UBL7: variants seen among roughly 807,000 people sequenced by gnomAD.
UBL7 encodes ubiquitin like 7.
In UBL7, 21 loss-of-function variants were observed where a neutral mutation model predicts 41.7. The observed-to-expected ratio is 0.50, with a 90% CI of 0.36 to 0.73. The LOEUF is 0.73. Ranked by LOEUF, UBL7 falls within the 30% of genes least tolerant of loss-of-function variation. UBL7 has a pLI of 0.00. For synonymous variants in UBL7, 157 were observed against 186.9 expected (o/e 0.84, Z 1.31); for missense variants, 403 against 478.4 (o/e 0.84, Z 1.47).
chr15:74,451,885 A>G (rs141970605), intron 4 of UBL7, among the ~76,000 whole-genome samples: 4 of 152,276 alleles, frequency 2.6e-5, no homozygotes, highest in African/African-American at 7.2e-5. Flanking sequence ...ACTATTTCAT[A>G]TTTGTATATA....
Position 74,450,791 on chromosome 15 carries a change from G to T in UBL7, c.530+11C>A. The T allele has an allele frequency of 6.2e-7, 1 of 1,612,984 alleles. No homozygotes were observed. The highest frequency in any genetic ancestry group is 8.5e-7 in the Non-Finnish European group (1 of 1,179,254). On this transcript the variant is annotated intron_variant, in intron 6 of 10. Coordinates refer to ENST00000395081, the MANE Select transcript of UBL7 (RefSeq NM_032907.5). ...AGAGAAGGTACCCTCTAATAGGACA[G>T]GTACACTTACGTATCAAGCATATTG...
intron 10 of UBL7, among the ~76,000 whole-genome samples, chr15:74,447,530 C>A (rs2061195167): frequency 1.3e-5 from 2 of 151,968 alleles, no homozygotes; most frequent in South Asian, 2.1e-4. Flanking sequence ...TAGGGAGACC[C>A]CCCCATCTCT....
chr15:74,451,378 C>G, intron 5 of UBL7, 58 bp downstream of exon 5: 1 of 1,424,512 alleles, frequency 7.0e-7, no homozygotes, highest in South Asian at 1.2e-5. Flanking sequence ...GAATTGTCTT[C>G]TCCTGTTTTC....
intron 3 of UBL7, among the ~76,000 whole-genome samples, chr15:74,452,675 C>T (rs1434780937): frequency 6.6e-6 from 1 of 152,184 alleles, no homozygotes; most frequent in Non-Finnish European, 1.5e-5. Context: ...GATCAACATA[C>T]CACTGCAGGA....
chr15:74,449,407 T>G, intron 8 of UBL7, 54 bp from the exon 9 acceptor site: 1 of 1,598,768 alleles, frequency 6.3e-7, no homozygotes, highest in South Asian at 1.1e-5. Context: ...AACTCCCAGA[T>G]GAACTCCACC....
intron 8 of UBL7, 40 bp from the exon 9 acceptor site, chr15:74,449,393 G>C: frequency 6.2e-7 from 1 of 1,609,150 alleles, no homozygotes; most frequent in Non-Finnish European, 8.5e-7. Context: ...AAGCAGTACT[G>C]TGAAACTCCC....
At chr15:74,449,506 C>G in intron 8 of UBL7, 120 bp downstream of exon 8, 4 of 1,555,352 alleles carry the variant, frequency 2.6e-6, no homozygotes, top group Non-Finnish European at 3.5e-6. Flanking sequence ...ATGGTCTTGG[C>G]CCCCCAATGG....
rs376556911 is a variant in UBL7 at position 74,447,809 on chromosome 15, T to C, written c.1005+669A>G. Among the ~76,000 whole-genome samples, 11 of 152,272 alleles carry C rather than the reference T, an allele frequency of 7.2e-5. No individual in the cohort carries two copies. The East Asian group carries it at 2.1e-3, about 29-fold the overall frequency. On this transcript the variant is annotated intron_variant, in intron 10 of 10. Transcript: ENST00000395081. ...CAGGTTGGCATGCAAGCCCCTCTCG[T>C]AGGCTCCTGCTCTTTCTCTGGCCCC... is the stretch of plus-strand genomic sequence containing the variant.
intron 2 of UBL7, among the ~76,000 whole-genome samples, chr15:74,458,030 T>A (rs1026316285): frequency 6.6e-6 from 1 of 152,102 alleles, no homozygotes; most frequent in African/African-American, 2.4e-5. Flanking sequence ...CAAGCAAAAA[T>A]CCTTCTAATC....
rs150004206 is a variant in UBL7 at position 74,448,551 on chromosome 15, G to A, written c.932C>T (p.Thr311Met). 419 of 1,614,138 alleles carry A rather than the reference G, an allele frequency of 2.6e-4. 1 individual carries two copies. The African/African-American group carries it at 4.5e-3, about 17-fold the overall frequency. Reference sequence around the variant, plus strand: ...GCTGAAGAGATCATTGGTGATGGGCGTCCCTGACTGGACACCAGAGGACAT... The same window carrying A: ...GCTGAAGAGATCATTGGTGATGGGCATCCCTGACTGGACACCAGAGGACAT... Reference protein sequence around the residue: ...SPMSSGVQSGTPITNDLFSQA... With the variant: ...SPMSSGVQSGMPITNDLFSQA... Residue 311 changes from threonine to methionine, a missense_variant, in exon 10 of 11, where the codon ACG becomes ATG. By Grantham distance (81) the Thr-to-Met change is moderately conservative. Coordinates refer to ENST00000395081, the MANE Select transcript of UBL7 (RefSeq NM_032907.5).
chr15:74,452,360 G>A lies in UBL7; in HGVS notation c.323C>T (p.Ala108Val), dbSNP rs1383106392. ...DQKPEPVDKVAAMREFRVLHT... is the reference protein window; with the variant it reads ...DQKPEPVDKVVAMREFRVLHT... The stretch of plus-strand genomic sequence containing the variant: ...CAACACCCGGAACTCTCTCATGGCA[G>A]CCACTTTGTCCACAGGTTCTGGGGG... Residue 108 changes from alanine (A) to valine (V), a missense_variant, in exon 4 of 11, where the codon GCT becomes GTT. Transcript: ENST00000395081. The A allele has an allele frequency of 6.4e-7, 1 of 1,560,058 alleles. No homozygotes were observed. Among genetic ancestry groups the A allele is most frequent in the South Asian group, 1.2e-5 (1 of 84,746 alleles).
At chr15:74,451,334 C>T in intron 5 of UBL7, 102 bp downstream of exon 5, 1 of 1,061,734 alleles carries the variant, frequency 9.4e-7, no homozygotes, top group South Asian at 1.4e-5. Context: ...CAAGACCAGT[C>T]ATTCTTCAAA....
chr15:74,450,278 G>A (rs1414329772), intron 6 of UBL7, among the ~76,000 whole-genome samples: 4 of 152,148 alleles, frequency 2.6e-5, no homozygotes, highest in African/African-American at 7.2e-5. Flanking sequence ...CCTGGGGTCC[G>A]CTGCAGATTC....
In UBL7 at chr15:74,456,553, C is replaced by G. The variant is rs144350795; in HGVS notation, c.303G>C (p.Pro101=). ...GCCTAAGGGCTGCCCCTCACTCACC[C>G]GGTTTCTGATCAGGTTCAGGCCAGG... ...RKSWPEPDQK[P]EPVDKVAAMR... is the part of the protein sequence containing the mutation. Residue 101 remains proline, a splice_region_variant and synonymous_variant, in exon 3 of 11, where the codon CCG becomes CCC. Coordinates refer to ENST00000395081, the MANE Select transcript of UBL7 (RefSeq NM_032907.5). 6.2e-7 allele frequency: 1 copy of G among 1,613,898 alleles called. No individual in the cohort carries two copies. Among genetic ancestry groups the G allele is most frequent in the South Asian group, 1.1e-5 (1 of 91,058 alleles).
chr15:74,446,175 T>C lies in UBL7; in HGVS notation c.1058A>G (p.Asp353Gly), dbSNP rs776746821. The change falls in exon 11 of 11, where the codon GAT becomes GGT. Residue 353 changes from aspartate (D) to glycine (G), a missense_variant. Physicochemically the swap from Asp to Gly is moderately conservative, Grantham distance 94. Coordinates refer to ENST00000395081, the MANE Select transcript of UBL7 (RefSeq NM_032907.5). The surrounding 1 kb of genome is among the most constrained non-coding windows in gnomAD (Gnocchi z 4.1). ...CTGCAGGGCCCGCAGGCTCAGCTCA[T>C]CGTCCTGGATGCCCATGTCACGTAG... Reference protein sequence around the residue: ...QQLRDMGIQDDELSLRALQAT... With the variant: ...QQLRDMGIQDGELSLRALQAT... The C allele has an allele frequency of 1.6e-5, 26 of 1,613,868 alleles. No homozygotes were observed. Among genetic ancestry groups the C allele is most frequent in the Non-Finnish European group, 2.2e-5 (26 of 1,179,956 alleles).
chr15:74,460,842 G>T, intron 1 of UBL7, 195 bp downstream of exon 1: 1 of 1,209,308 alleles, frequency 8.3e-7, no homozygotes, highest in Non-Finnish European at 1.0e-6. Flanking sequence ...CATCCTCAAG[G>T]TATCTTCCAC....
chr15:74,458,584 C>T (rs1294218357), intron 2 of UBL7, 100 bp downstream of exon 2: 1 of 1,005,314 alleles, frequency 9.9e-7, no homozygotes, highest in Non-Finnish European at 1.5e-6. Flanking sequence ...CATTATGAGG[C>T]AACAAATCCC....
chr15:74,453,455 G>A (rs2061268117), intron 3 of UBL7, among the ~76,000 whole-genome samples: 1 of 152,150 alleles, frequency 6.6e-6, no homozygotes, highest in Non-Finnish European at 1.5e-5. Flanking sequence ...GAGAGGGAGG[G>A]TGAAGATAGA....
Position 74,450,787 on chromosome 15 carries a change from G to A in UBL7, c.530+15C>T, listed in dbSNP as rs1214859812. 3.1e-6 allele frequency: 5 copies of A among 1,612,626 alleles called. No individual in the cohort carries two copies. In the Admixed American group the frequency reaches 8.3e-5, roughly 27 times the overall value. ...GGAGAGAGAAGGTACCCTCTAATAG[G>A]ACAGGTACACTTACGTATCAAGCAT... On this transcript the variant is annotated intron_variant, in intron 6 of 10. Coordinates refer to ENST00000395081, the MANE Select transcript of UBL7 (RefSeq NM_032907.5).
Sources: gnomAD v4.1 joint callset for allele counts (sites outside exome capture counted in the v4.1 genomes callset) on GRCh38, gnomAD v4.1.1 for gene constraint, Gnocchi (gnomAD v3.1) non-coding constraint, MANE v1.5 for transcripts, NCBI Gene and HGNC (gene_info 2026-07-23, HGNC 2026-07-21) for gene names.